Variants in ERBB4 observed in about 807,000 individuals in gnomAD.
The protein encoded by ERBB4 is erb-b2 receptor tyrosine kinase 4.
In ERBB4, 42 loss-of-function variants were observed where a neutral mutation model predicts 158.0. That is an observed-to-expected ratio of 0.27 (90% CI 0.21 to 0.34). ERBB4 has a LOEUF of 0.34. Ranked by LOEUF, ERBB4 falls within the 10% of genes least tolerant of loss-of-function variation. The pLI, the probability that ERBB4 is intolerant of heterozygous loss-of-function variation, is 1.00. For synonymous variants in ERBB4, 583 were observed against 558.7 expected (o/e 1.04, Z -0.61); for missense variants, 1,333 against 1,624.1 (o/e 0.82, Z 3.08).
At chr2:211,710,771 A>C (rs2073667471) in intron 9 of ERBB4, among the ~76,000 whole-genome samples, 1 of 152,064 alleles carries the variant, frequency 6.6e-6, no homozygotes, top group Admixed American at 6.6e-5. Flanking sequence ...TTCCCTACAC[A>C]AACTGTCTCT....
intron 2 of ERBB4, among the ~76,000 whole-genome samples, chr2:212,005,752 C>A (rs1275361854): frequency 1.3e-4 from 20 of 152,074 alleles, no homozygotes; most frequent in Non-Finnish European, 4.4e-5. Flanking sequence ...AGTTATTGAG[C>A]CAATTTTTAT....
intron 18 of ERBB4, among the ~76,000 whole-genome samples, chr2:211,619,808 ATATT>A (rs1453839937): frequency 6.6e-6 from 1 of 152,160 alleles, no homozygotes; most frequent in African/African-American, 2.4e-5. Flanking sequence ...TCAAGAATGA[ATATT>A]TAAGATTTAT....
intron 2 of ERBB4, among the ~76,000 whole-genome samples, chr2:211,955,555 C>A (rs1010700647): frequency 1.3e-5 from 2 of 151,936 alleles, no homozygotes; most frequent in Non-Finnish European, 2.9e-5. Context: ...GTCTCTGTAC[C>A]TTGAGTTTCT....
At chr2:212,369,402 C>G (rs1481001408) in intron 1 of ERBB4, among the ~76,000 whole-genome samples, 4 of 151,970 alleles carry the variant, frequency 2.6e-5, no homozygotes, top group Non-Finnish European at 5.9e-5. Flanking sequence ...ATTTCCTTTT[C>G]TTACATGTAG....
intron 20 of ERBB4, among the ~76,000 whole-genome samples, chr2:211,535,928 G>T (rs1051141697): frequency 6.6e-6 from 1 of 151,800 alleles, no homozygotes; most frequent in Non-Finnish European, 1.5e-5. Context: ...CAGCATTTAT[G>T]GATATTAACA....
intron 18 of ERBB4, among the ~76,000 whole-genome samples, chr2:211,620,441 G>C (rs188322701): frequency 6.6e-6 from 1 of 152,170 alleles, no homozygotes; most frequent in Admixed American, 6.5e-5. Flanking sequence ...ATATGTATTT[G>C]TGTTACTCAA....
Position 212,492,975 on chromosome 2 carries a change from G to A in ERBB4, c.82+45474C>T, listed in dbSNP as rs561767743. ...TCAATTATAATCATTGAATTTTGTT[G>A]GGGTTTTGGTGTTTAGAAGTCTGCT... On this transcript the variant is annotated intron_variant, in intron 1 of 27. Coordinates refer to ENST00000342788, the MANE Select transcript of ERBB4 (RefSeq NM_005235.3). Among the ~76,000 whole-genome samples, 19 of 151,348 alleles carry A rather than the reference G, an allele frequency of 1.3e-4. No individual in the cohort carries two copies. In the South Asian group the frequency reaches 3.5e-3, roughly 28 times the overall value.
chr2:211,820,986 AT>A (rs2076982981), intron 3 of ERBB4, among the ~76,000 whole-genome samples: 1 of 151,886 alleles, frequency 6.6e-6, no homozygotes, highest in African/African-American at 2.4e-5. Context: ...AAGAACTCAA[AT>A]AAAACAAGGA....
At chr2:211,679,899 TA>T (rs1204523249) in intron 12 of ERBB4, among the ~76,000 whole-genome samples, 8 of 152,088 alleles carry the variant, frequency 5.3e-5, no homozygotes, top group Non-Finnish European at 1.2e-4. Context: ...AGGCTGGTCT[TA>T]AACTCCTGAC....
At chr2:212,091,061 C>T (rs1406018209) in intron 2 of ERBB4, among the ~76,000 whole-genome samples, 2 of 151,918 alleles carry the variant, frequency 1.3e-5, no homozygotes, top group Non-Finnish European at 2.9e-5. Flanking sequence ...AACTGTTTCC[C>T]AAAACTGACA....
intron 1 of ERBB4, among the ~76,000 whole-genome samples, chr2:212,484,105 A>C (rs2106172085): frequency 6.6e-6 from 1 of 152,232 alleles, no homozygotes; most frequent in South Asian, 2.1e-4. Flanking sequence ...ACATTTTTCT[A>C]TACATATGCT....
At chr2:212,391,710 AT>A (rs1254623984) in intron 1 of ERBB4, among the ~76,000 whole-genome samples, 30 of 133,906 alleles carry the variant, frequency 2.2e-4, no homozygotes, top group African/African-American at 8.4e-4. Context: ...TATTATATAT[AT>A]TGACATATAT....
chr2:211,760,754 T>C (rs1041068073), intron 4 of ERBB4, among the ~76,000 whole-genome samples: 1 of 152,242 alleles, frequency 6.6e-6, no homozygotes, highest in African/African-American at 2.4e-5. Context: ...CTCCAATCTA[T>C]ACAGCATGAT....
chr2:212,177,944 GTGTT>G (rs370047431), intron 1 of ERBB4, among the ~76,000 whole-genome samples: 12 of 120,754 alleles, frequency 9.9e-5, no homozygotes, highest in Non-Finnish European at 1.6e-4. Context: ...GTGTTTGTGA[GTGTT>G]TGTGAGTGTG....
At chr2:212,254,554 C>T (rs1432510938) in intron 1 of ERBB4, among the ~76,000 whole-genome samples, 2 of 152,160 alleles carry the variant, frequency 1.3e-5, no homozygotes, top group Non-Finnish European at 2.9e-5. Context: ...CAAACCCCCT[C>T]AGGGCAGTAA....
intron 1 of ERBB4, among the ~76,000 whole-genome samples, chr2:212,419,286 A>G (rs2091735978): frequency 6.6e-6 from 1 of 151,932 alleles, no homozygotes; most frequent in Non-Finnish European, 1.5e-5. Context: ...TGTAATCACT[A>G]GATTTGGAAG....
chr2:212,014,755 A>G (rs2076468785), intron 2 of ERBB4, among the ~76,000 whole-genome samples: 1 of 152,036 alleles, frequency 6.6e-6, no homozygotes, highest in African/African-American at 2.4e-5. Flanking sequence ...ACACTAAATA[A>G]CTGACCCTAA....
intron 4 of ERBB4, among the ~76,000 whole-genome samples, chr2:211,774,899 T>A (rs2075834291): frequency 6.6e-6 from 1 of 152,194 alleles, no homozygotes; most frequent in Admixed American, 6.5e-5. Flanking sequence ...CATGATTGCT[T>A]CTGTTAAGTA....
chr2:212,093,400 A>T (rs1293648308), intron 2 of ERBB4, among the ~76,000 whole-genome samples: 1 of 152,150 alleles, frequency 6.6e-6, no homozygotes, highest in Non-Finnish European at 1.5e-5. Context: ...CAACAACAAT[A>T]ACAACAAGAA....
Sources: allele counts gnomAD v4.1 joint callset (sites outside exome capture counted in the v4.1 genomes callset), GRCh38; gene constraint gnomAD v4.1.1; transcripts MANE v1.5; gene names NCBI Gene and HGNC (gene_info 2026-07-23, HGNC 2026-07-21).